ALMS1: variants seen among roughly 807,000 people sequenced by gnomAD.
The protein encoded by ALMS1 is centrosome-associated protein ALMS1.
In ALMS1, 271 loss-of-function variants were observed where a neutral mutation model predicts 352.2. The ratio of observed to expected loss-of-function variants is 0.77; its 90% confidence interval spans 0.70 to 0.85. The LOEUF (loss-of-function observed/expected upper bound fraction) is 0.85. Among genes scored for constraint, ALMS1 ranks in the 40% least tolerant of loss-of-function variants. The probability of loss-of-function intolerance (pLI) is 0.00; values close to 1 mark genes in which losing one functional copy is unlikely to be tolerated. For missense variants in ALMS1, 5,445 were observed against 4,870.7 expected (o/e 1.12, Z -3.51); for synonymous variants, 1,865 against 1,761.2 (o/e 1.06, Z -1.48).
intron 16 of ALMS1, among the ~76,000 whole-genome samples, chr2:73,596,542 G>T (rs1037902120): frequency 4.0e-5 from 6 of 151,386 alleles, no homozygotes; most frequent in Admixed American, 6.6e-5. Flanking sequence ...CACAATCTCG[G>T]CACACTGCAA....
chr2:73,581,668 C>T (rs903546203), intron 16 of ALMS1, among the ~76,000 whole-genome samples: 1 of 152,128 alleles, frequency 6.6e-6, no homozygotes, highest in Non-Finnish European at 1.5e-5. Context: ...GGTCTCTACT[C>T]TACCATTTTT....
chr2:73,574,326 G>C (rs935120457), intron 16 of ALMS1, among the ~76,000 whole-genome samples: 2 of 152,134 alleles, frequency 1.3e-5, no homozygotes, highest in Non-Finnish European at 2.9e-5. Flanking sequence ...AGTATCACTA[G>C]ACATGCTCTC....
At chr2:73,531,597 C>G (rs1431466413) in intron 11 of ALMS1, among the ~76,000 whole-genome samples, 1 of 152,234 alleles carries the variant, frequency 6.6e-6, no homozygotes, top group East Asian at 1.9e-4. Flanking sequence ...TTACCCAGTT[C>G]CCAAGTTGCT....
At chr2:73,445,645 C>G (rs1057180764) in intron 7 of ALMS1, among the ~76,000 whole-genome samples, 1 of 34,278 alleles carries the variant, frequency 2.9e-5, no homozygotes, top group Non-Finnish European at 6.1e-5. Context: ...TCTTCGTCAC[C>G]TAGGAAGCCT....
chr2:73,401,623 T>A (rs1670872850), intron 1 of ALMS1, among the ~76,000 whole-genome samples: 1 of 152,108 alleles, frequency 6.6e-6, no homozygotes, highest in African/African-American at 2.4e-5. Flanking sequence ...ATATACCTAG[T>A]GAAATGGTTG....
intron 1 of ALMS1, among the ~76,000 whole-genome samples, chr2:73,396,336 A>ACG (rs1558628982): frequency 6.6e-6 from 1 of 151,784 alleles, no homozygotes; most frequent in East Asian, 1.9e-4. Context: ...ACACACACAC[A>ACG]CACGCTTGTA....
intron 9 of ALMS1, among the ~76,000 whole-genome samples, chr2:73,462,562 A>C (rs9752635): frequency 0.016 from 2,476 of 152,334 alleles, 68 homozygotes; most frequent in African/African-American, 0.056. Context: ...TGAGCAAAAT[A>C]ACCAGCTAAC....
chr2:73,395,060 G>GTA (rs755110782), intron 1 of ALMS1, among the ~76,000 whole-genome samples: 1,206 of 92,662 alleles, frequency 0.013, 70 homozygotes, highest in East Asian at 0.054. Flanking sequence ...ATATATATGT[G>GTA]TATATATATA....
rs146669152 is a variant in ALMS1 at position 73,452,355 on chromosome 2, G to T, written c.5828G>T (p.Arg1943Leu). The T allele has an allele frequency of 3.2e-5, 52 of 1,613,690 alleles. No individual in the cohort carries two copies. In the African/African-American group the frequency reaches 5.7e-4, roughly 18 times the overall value. Reference protein sequence around the residue: ...IPTVPLSYYSRREKPSVISQQ... With the variant: ...IPTVPLSYYSLREKPSVISQQ... ...ACAGTACCTTTAAGTTACTACTCAC[G>T]TAGAGAGAAGCCCAGTGTTATCTCT... Residue 1943 changes from arginine (R) to leucine (L), a missense_variant, in exon 8 of 23, where the codon CGT becomes CTT. Transcript: ENST00000613296.
At chr2:73,432,446 T>A (rs1671519124) in intron 7 of ALMS1, among the ~76,000 whole-genome samples, 155 bp downstream of exon 7, 1 of 148,282 alleles carries the variant, frequency 6.7e-6, no homozygotes, top group Non-Finnish European at 1.5e-5. Flanking sequence ...CTCTTTAGAC[T>A]GCTATTACAA....
intron 1 of ALMS1, among the ~76,000 whole-genome samples, chr2:73,391,174 A>G (rs1471380883): frequency 1.3e-5 from 2 of 151,844 alleles, no homozygotes; most frequent in African/African-American, 4.8e-5. Flanking sequence ...TCCCCCCATA[A>G]GCAGGTTACA....
At chr2:73,574,466 C>T (rs1256238261) in intron 16 of ALMS1, among the ~76,000 whole-genome samples, 1 of 152,020 alleles carries the variant, frequency 6.6e-6, no homozygotes, top group Admixed American at 6.6e-5. Context: ...AGTGACATAA[C>T]ATATAAATAA....
chr2:73,585,818 TC>T (rs1300959354), intron 16 of ALMS1, among the ~76,000 whole-genome samples: 1 of 146,240 alleles, frequency 6.8e-6, no homozygotes, highest in Non-Finnish European at 1.5e-5. Flanking sequence ...AACCACTGCA[TC>T]CCGGGTTCAA....
chr2:73,572,306 T>C lies in ALMS1; in HGVS notation c.10429T>C (p.Phe3477Leu), dbSNP rs1320659765. The C allele has an allele frequency of 6.2e-7, 1 of 1,607,538 alleles. No homozygotes were observed. Residue 3477 changes from phenylalanine to leucine, a missense_variant, in exon 16 of 23, where the codon TTC becomes CTC. Coordinates refer to ENST00000613296, the MANE Select transcript of ALMS1 (RefSeq NM_001378454.1). ...SEFENTTRSV[F>L]RSAKFYIHHP... Reference sequence around the variant, plus strand: ...ATTTGAAAATACTACCCGTTCTGTCTTCAGGTCAGCAAAGTTTTACATTCA... The same window carrying C: ...ATTTGAAAATACTACCCGTTCTGTCCTCAGGTCAGCAAAGTTTTACATTCA...
Position 73,603,229 on chromosome 2 carries a change from T to C in ALMS1, c.12299-12T>C. Reference sequence around the variant, plus strand: ...TCACTGTCCACTGAAAACCCTTTCTTCTCTTGCCTAGTCTTCCTGGCTATC... The same window carrying C: ...TCACTGTCCACTGAAAACCCTTTCTCCTCTTGCCTAGTCTTCCTGGCTATC... On this transcript the variant is annotated splice_polypyrimidine_tract_variant and intron_variant, in intron 20 of 22. Transcript: ENST00000613296. 6.2e-7 allele frequency: 1 copy of C among 1,613,978 alleles called. No individual in the cohort carries two copies. Among genetic ancestry groups the C allele is most frequent in the Non-Finnish European group, 8.5e-7 (1 of 1,179,886 alleles).
chr2:73,461,187 C>A (rs985011137), intron 9 of ALMS1, among the ~76,000 whole-genome samples: 1 of 152,236 alleles, frequency 6.6e-6, no homozygotes, highest in African/African-American at 2.4e-5. Context: ...GAGGCACCCC[C>A]CAGGAGGGGC....
chr2:73,391,485 G>C (rs1214398852), intron 1 of ALMS1, among the ~76,000 whole-genome samples: 1 of 151,716 alleles, frequency 6.6e-6, no homozygotes, highest in Non-Finnish European at 1.5e-5. Context: ...AGTAGAGACG[G>C]GGTTTCACCG....
At chr2:73,503,984 G>A (rs566400273) in intron 10 of ALMS1, among the ~76,000 whole-genome samples, 2 of 152,140 alleles carry the variant, frequency 1.3e-5, no homozygotes, top group Non-Finnish European at 2.9e-5. Context: ...TTATTAATTT[G>A]TATCTGTACA....
intron 16 of ALMS1, among the ~76,000 whole-genome samples, chr2:73,582,093 T>G (rs1675195736): frequency 6.6e-6 from 1 of 152,034 alleles, no homozygotes; most frequent in Non-Finnish European, 1.5e-5. Flanking sequence ...TCCAGTACAG[T>G]TTTTTTTAAA....
Sources: allele counts gnomAD v4.1 joint callset (sites outside exome capture counted in the v4.1 genomes callset), GRCh38; gene constraint gnomAD v4.1.1; transcripts MANE v1.5; gene names NCBI Gene and HGNC (gene_info 2026-07-23, HGNC 2026-07-21).